DEPDC1B: variants seen among roughly 807,000 people sequenced by gnomAD.
The protein encoded by DEPDC1B is DEP domain-containing protein 1B.
Under a neutral mutation model 66.5 loss-of-function variants are expected in DEPDC1B, and 51 were observed. That is an observed-to-expected ratio of 0.77 (90% CI 0.61 to 0.97). The LOEUF (loss-of-function observed/expected upper bound fraction) is 0.97, where lower values mean the gene tolerates loss of function less well. Ranked by LOEUF, DEPDC1B falls within the 50% of genes least tolerant of loss-of-function variation. The probability of loss-of-function intolerance (pLI) is 0.00; values close to 1 mark genes in which losing one functional copy is unlikely to be tolerated. For missense variants in DEPDC1B, 552 were observed against 637.1 expected, an observed-to-expected ratio of 0.87 and a Z score of 1.44; for synonymous variants, 226 against 223.6, an observed-to-expected ratio of 1.01 and a Z score of -0.10.
chr5:60,696,275 C>T (rs1468698467), intron 1 of DEPDC1B, among the ~76,000 whole-genome samples: 2 of 152,168 alleles, frequency 1.3e-5, no homozygotes, highest in Admixed American at 6.5e-5. Context: ...TTATTTCATA[C>T]TAGAAAATGT....
rs549223661 is a variant in DEPDC1B, at chr5:60,647,627, T to C, written c.315-94A>G. Reference sequence around the variant, plus strand: ...CCACTTTGGTGTATCTGAAAATTTATACAATAATTTGTACAATATTTATAC... The same window carrying C: ...CCACTTTGGTGTATCTGAAAATTTACACAATAATTTGTACAATATTTATAC... On this transcript the variant is annotated intron_variant, in intron 2 of 10. Transcript: ENST00000265036. 1.1e-4 allele frequency: 156 copies of C among 1,373,630 alleles called. No individual in the cohort carries two copies. In the African/African-American group the frequency reaches 2.2e-3, roughly 20 times the overall value. The allele number at this position is 1,373,630 out of a possible 1,614,324, so 85.1% of individuals were successfully genotyped here.
intron 7 of DEPDC1B, among the ~76,000 whole-genome samples, chr5:60,625,076 C>T (rs1221593956): frequency 2.0e-5 from 3 of 152,068 alleles, no homozygotes; most frequent in African/African-American, 7.2e-5. Flanking sequence ...GACATGAACT[C>T]GTCATTTTTT....
chr5:60,634,400 C>T (rs2111834672), intron 7 of DEPDC1B, among the ~76,000 whole-genome samples: 1 of 152,272 alleles, frequency 6.6e-6, no homozygotes, highest in African/African-American at 2.4e-5. Context: ...AGGCCGGGCA[C>T]AGTGGCTCAT....
At chr5:60,647,330 C>A in intron 3 of DEPDC1B, 68 bp downstream of exon 3, 1 of 1,495,646 alleles carries the variant, frequency 6.7e-7, no homozygotes, top group Non-Finnish European at 8.9e-7. Flanking sequence ...ACAGAAAGAC[C>A]AAGCCTAGGA....
chr5:60,658,200 G>A lies in DEPDC1B; in HGVS notation c.315-10667C>T, dbSNP rs571379021. ...CTGAAGATTTTTCCATCCATATCCT[G>A]TATCATTTTTTAAATTTCTTTAAGT... On this transcript the variant is annotated intron_variant, in intron 2 of 10. Coordinates refer to ENST00000265036, the MANE Select transcript of DEPDC1B (RefSeq NM_018369.3). Among the ~76,000 whole-genome samples the A allele has an allele frequency of 5.9e-5, 9 of 152,214 alleles. No individual in the cohort carries two copies. The South Asian group carries it at 1.9e-3, about 32-fold the overall frequency.
chr5:60,653,463 G>A (rs192230837), intron 2 of DEPDC1B, among the ~76,000 whole-genome samples: 1 of 152,200 alleles, frequency 6.6e-6, no homozygotes, highest in Admixed American at 6.5e-5. Flanking sequence ...TTGTTATCTT[G>A]CTGGTTTGAT....
At chr5:60,660,093 A>C (rs2111938321) in intron 2 of DEPDC1B, among the ~76,000 whole-genome samples, 1 of 152,238 alleles carries the variant, frequency 6.6e-6, no homozygotes, top group South Asian at 2.1e-4. Context: ...AAATGGGGGC[A>C]ACAAGCAAAC....
intron 2 of DEPDC1B, chr5:60,648,056 G>A (rs1753362847): frequency 6.6e-6 from 1 of 152,184 alleles, no homozygotes; most frequent in Admixed American, 6.5e-5. Flanking sequence ...CGAGAGTACT[G>A]AAGGAAACAG....
intron 2 of DEPDC1B, among the ~76,000 whole-genome samples, chr5:60,650,175 A>G (rs201736541): frequency 3.3e-5 from 5 of 151,712 alleles, no homozygotes; most frequent in African/African-American, 1.2e-4. Context: ...ATAAAGCAAG[A>G]CCCCCATCTC....
At chr5:60,678,233 C>T (rs1489671971) in intron 2 of DEPDC1B, among the ~76,000 whole-genome samples, 7 of 152,034 alleles carry the variant, frequency 4.6e-5, no homozygotes, top group South Asian at 2.1e-4. Context: ...CTCCCGAAAA[C>T]GCTCCTTCCT....
intron 2 of DEPDC1B, among the ~76,000 whole-genome samples, chr5:60,676,183 G>A (rs898452199): frequency 2.0e-5 from 3 of 151,126 alleles, no homozygotes; most frequent in African/African-American, 7.3e-5. Flanking sequence ...GCCCACCTCA[G>A]CCACCCAAAG....
At chr5:60,673,265 T>C (rs146382077) in intron 2 of DEPDC1B, among the ~76,000 whole-genome samples, 9 of 152,254 alleles carry the variant, frequency 5.9e-5, no homozygotes, top group Non-Finnish European at 1.0e-4. Context: ...TTCACATACA[T>C]TGCAGCATGT....
intron 2 of DEPDC1B, among the ~76,000 whole-genome samples, chr5:60,667,480 C>A (rs1466653022): frequency 4.2e-5 from 6 of 142,980 alleles, no homozygotes; most frequent in African/African-American, 1.3e-4. Context: ...GGATATTTTA[C>A]ATATATACAA....
intron 1 of DEPDC1B, among the ~76,000 whole-genome samples, chr5:60,690,466 G>A (rs1236263538): frequency 6.6e-6 from 1 of 152,150 alleles, no homozygotes; most frequent in Non-Finnish European, 1.5e-5. Flanking sequence ...CTCTTTTGAA[G>A]AAGGAATATA....
In DEPDC1B at chr5:60,687,154, T is replaced by C. The variant is rs376066159; in HGVS notation, c.122A>G (p.Glu41Gly). The change falls in exon 2 of 11, where the codon GAG becomes GGG. Residue 41 changes from glutamate (E) to glycine (G), a missense_variant. Coordinates refer to ENST00000265036, the MANE Select transcript of DEPDC1B (RefSeq NM_018369.3). The part of the protein sequence containing the change: ...RKHRCRFKSY[E>G]HCFTAAEAVD... ...AGCTTCGGCCGCTGTGAAACAATGC[T>C]CATAGCTCTTGAAACGACAGCGATG... The C allele has an allele frequency of 4.3e-6, 7 of 1,614,054 alleles. No homozygotes were observed. The African/African-American group carries it at 9.3e-5, about 22-fold the overall frequency.
intron 2 of DEPDC1B, among the ~76,000 whole-genome samples, chr5:60,670,771 A>G (rs1202635300): frequency 6.6e-6 from 1 of 152,080 alleles, no homozygotes; most frequent in Non-Finnish European, 1.5e-5. Context: ...CATCTCTATA[A>G]CCCTGGGCTC....
At position 60,597,645 on chromosome 5, in the gene DEPDC1B, T is replaced by C. The variant is rs1752122399; in HGVS notation, c.*108A>G. 8.1e-7 allele frequency: 1 copy of C among 1,232,986 alleles called. No individual in the cohort carries two copies. Among genetic ancestry groups the C allele is most frequent in the Non-Finnish European group, 1.1e-6 (1 of 880,744 alleles). The allele number at this position is 1,232,986 out of a possible 1,614,324, so 76.4% of individuals were successfully genotyped here. Reference sequence around the variant, plus strand: ...GCAATCTTTATCTATATTTCAGTAGTCTTTGTTTTATGCTTTTCTTTCTTC... The same window carrying C: ...GCAATCTTTATCTATATTTCAGTAGCCTTTGTTTTATGCTTTTCTTTCTTC... On this transcript the variant is annotated 3_prime_UTR_variant, in exon 11 of 11. Coordinates refer to ENST00000265036, the MANE Select transcript of DEPDC1B (RefSeq NM_018369.3).
intron 8 of DEPDC1B, among the ~76,000 whole-genome samples, chr5:60,604,041 C>T (rs1752260015): frequency 6.6e-6 from 1 of 151,286 alleles, no homozygotes; most frequent in South Asian, 2.1e-4. Flanking sequence ...ACATCTTTTC[C>T]TAGTTAGCTT....
chr5:60,612,855 G>A (rs772534230), intron 7 of DEPDC1B, among the ~76,000 whole-genome samples: 28 of 152,110 alleles, frequency 1.8e-4, no homozygotes, highest in Non-Finnish European at 3.8e-4. Flanking sequence ...ATAGTGTTAT[G>A]AATACTCTAA....
Sources: gnomAD v4.1 joint callset for allele counts (sites outside exome capture counted in the v4.1 genomes callset) on GRCh38, gnomAD v4.1.1 for gene constraint, MANE v1.5 for transcripts, NCBI Gene and HGNC (gene_info 2026-07-23, HGNC 2026-07-21) for gene names.